The following WBP1L variants were observed in gnomAD, a reference collection of about 807,000 sequenced individuals.
WBP1L encodes the protein WW domain binding protein 1 like.
A neutral mutation model predicts 33.7 loss-of-function variants in WBP1L; 17 were observed. The ratio of observed to expected loss-of-function variants is 0.50; its 90% CI spans 0.34 to 0.76. WBP1L has a LOEUF of 0.76. Among genes scored for constraint, WBP1L ranks in the 30% least tolerant of loss-of-function variants. The pLI, the probability that WBP1L is intolerant of heterozygous loss-of-function variation, is 0.01. For missense variants in WBP1L, 389 were observed against 469.4 expected, an observed-to-expected ratio of 0.83 and a Z score of 1.58; for synonymous variants, 173 against 190.8, an observed-to-expected ratio of 0.91 and a Z score of 0.77.
In WBP1L at chr10:102,813,180, G is replaced by T. The variant is rs1350482858; in HGVS notation, c.941G>T (p.Gly314Val). Residue 314 changes from glycine to valine, a missense_variant, in exon 4 of 4, where the codon GGT becomes GTT. Transcript: ENST00000448841. ...GACAGCTGCCATGTGCGGCCCCCTG[G>T]TGATGAGGAGGAAGGCCTCTGTCAG... ...FCDSCHVRPP[G>V]DEEEGLCQSS... 1 of 1,613,956 alleles carries T rather than the reference G, an allele frequency of 6.2e-7. No homozygotes were observed. Among genetic ancestry groups the T allele is most frequent in the South Asian group, 1.1e-5 (1 of 91,084 alleles).
At chr10:102,791,380 C>T (rs1379973136) in intron 1 of WBP1L, among the ~76,000 whole-genome samples, 2 of 152,224 alleles carry the variant, frequency 1.3e-5, no homozygotes, top group Non-Finnish European at 2.9e-5. Flanking sequence ...TCTCCCCTCC[C>T]ACCCCCCGAA....
intron 1 of WBP1L, among the ~76,000 whole-genome samples, chr10:102,764,739 A>G (rs1484616480): frequency 1.3e-5 from 2 of 152,178 alleles, no homozygotes; most frequent in Non-Finnish European, 2.9e-5. Flanking sequence ...CCTGGAGTAG[A>G]TTTGGTTACC....
chr10:102,792,592 CTTTTTTTTTTTT>C (rs11368357), intron 1 of WBP1L, among the ~76,000 whole-genome samples: 1 of 103,586 alleles, frequency 9.7e-6, no homozygotes, highest in African/African-American at 3.5e-5. Context: ...TTTTTCTTTT[CTTTTTTTTTTTT>C]TTTTTTTGAG....
chr10:102,761,134 TTTTTC>T (rs1181424830), intron 1 of WBP1L, among the ~76,000 whole-genome samples: 3 of 149,930 alleles, frequency 2.0e-5, no homozygotes, highest in Admixed American at 6.6e-5. Flanking sequence ...TTTTTTTTTT[TTTTTC>T]TTTTCTTTTC....
At chr10:102,810,543 T>C (rs1590195285) in intron 3 of WBP1L, among the ~76,000 whole-genome samples, 11 of 116,160 alleles carry the variant, frequency 9.5e-5, no homozygotes, top group Non-Finnish European at 1.0e-4. Context: ...CCATCCTCCC[T>C]CCCTCTCTCT....
In WBP1L at chr10:102,743,986, AGAGGAGGAGAGG is replaced by A. The variant is rs1416694037; in HGVS notation, c.-58_-47del. 2.0e-5 allele frequency: 22 copies of A among 1,113,422 alleles called. No homozygotes were observed. Among genetic ancestry groups the A allele is most frequent in the Non-Finnish European group, 2.9e-5 (22 of 758,296 alleles). The allele number at this position is 1,113,422 out of a possible 1,614,324, so 69.0% of individuals were successfully genotyped here. ...AGAAGGGAAGAAGGAAGAAGAGGGTAGAGGAGGAGAGGGAGGAGGAGGAGGGAGGTGGCGGCG... is the reference window on the plus strand; with the variant it reads ...AGAAGGGAAGAAGGAAGAAGAGGGTAGAGGAGGAGGAGGGAGGTGGCGGCG... On this transcript the variant is annotated 5_prime_UTR_variant, in exon 1 of 4. Transcript: ENST00000448841.
At chr10:102,758,107 A>T (rs998078151) in intron 1 of WBP1L, among the ~76,000 whole-genome samples, 7 of 149,806 alleles carry the variant, frequency 4.7e-5, no homozygotes, top group African/African-American at 7.4e-5. Flanking sequence ...CTGGTCTCGA[A>T]CTCCTGACCT....
At chr10:102,805,272 T>C (rs928711244) in intron 2 of WBP1L, among the ~76,000 whole-genome samples, 6 of 152,112 alleles carry the variant, frequency 3.9e-5, no homozygotes, top group Non-Finnish European at 8.8e-5. Flanking sequence ...GAGTAATACC[T>C]GTCTCAAAAA....
intron 2 of WBP1L, among the ~76,000 whole-genome samples, chr10:102,803,304 A>C (rs566087338): frequency 5.0e-4 from 76 of 152,194 alleles, no homozygotes; most frequent in Non-Finnish European, 8.7e-4. Context: ...GCTCACTTAC[A>C]GTATGCTTGA....
At chr10:102,745,209 T>G (rs1025881225) in intron 1 of WBP1L, among the ~76,000 whole-genome samples, 23 of 152,352 alleles carry the variant, frequency 1.5e-4, no homozygotes, top group Admixed American at 1.4e-3. Flanking sequence ...CCAGCAAAAA[T>G]ACTTATCTTT....
At chr10:102,748,204 C>T (rs1372586091) in intron 1 of WBP1L, among the ~76,000 whole-genome samples, 1 of 151,436 alleles carries the variant, frequency 6.6e-6, no homozygotes, top group East Asian at 1.9e-4. Flanking sequence ...TGCAGTGAGC[C>T]GAGGTCGCGC....
At chr10:102,777,447 C>G (rs1843280128) in intron 1 of WBP1L, among the ~76,000 whole-genome samples, 1 of 152,100 alleles carries the variant, frequency 6.6e-6, no homozygotes, top group African/African-American at 2.4e-5. Context: ...CTCTGAAAAG[C>G]CCCAAACATT....
At chr10:102,788,653 G>A (rs1843455181) in intron 1 of WBP1L, among the ~76,000 whole-genome samples, 1 of 152,130 alleles carries the variant, frequency 6.6e-6, no homozygotes, top group South Asian at 2.1e-4. Context: ...TTTAGCTACA[G>A]AGCATTACCA....
rs1590162769 is a variant in WBP1L at position 102,746,863 on chromosome 10, T to A, written c.90+2720T>A. Among the ~76,000 whole-genome samples, 6 of 152,314 alleles carry A rather than the reference T, an allele frequency of 3.9e-5. No homozygotes were observed. In the South Asian group the frequency reaches 6.2e-4, roughly 16 times the overall value. On this transcript the variant is annotated intron_variant, in intron 1 of 3. Coordinates refer to ENST00000448841, the MANE Select transcript of WBP1L (RefSeq NM_001083913.2). ...TTTTTTACATGCACAATCTTTTTTT[T>A]ACATACACATTTACCATCAGAAATA...
chr10:102,785,143 G>A (rs561122813), intron 1 of WBP1L, among the ~76,000 whole-genome samples: 2 of 151,426 alleles, frequency 1.3e-5, no homozygotes, highest in Admixed American at 1.3e-4. Flanking sequence ...CAAAGTGCTG[G>A]GATTACAGGC....
chr10:102,780,704 C>T (rs2253983), intron 1 of WBP1L, among the ~76,000 whole-genome samples: 81,214 of 152,022 alleles, frequency 0.53, 22,792 homozygotes, highest in Non-Finnish European at 0.62. Flanking sequence ...GCAAATGACA[C>T]TAGAAAAGAA....
intron 2 of WBP1L, among the ~76,000 whole-genome samples, chr10:102,805,400 T>G (rs1009489922): frequency 2.0e-5 from 3 of 152,056 alleles, no homozygotes; most frequent in African/African-American, 7.2e-5. Flanking sequence ...AAAAAATGAC[T>G]GGTGGCCAGG....
intron 3 of WBP1L, 65 bp downstream of exon 3, chr10:102,810,119 C>A: frequency 6.5e-7 from 1 of 1,541,360 alleles, no homozygotes; most frequent in Non-Finnish European, 8.7e-7. Flanking sequence ...AGGGCTCACA[C>A]TGAATATTGG....
At chr10:102,754,817 G>T (rs1046383876) in intron 1 of WBP1L, among the ~76,000 whole-genome samples, 4 of 152,224 alleles carry the variant, frequency 2.6e-5, no homozygotes, top group African/African-American at 9.6e-5. Context: ...CGATTCTCCT[G>T]CCTCTGCCTC....
Sources: gnomAD v4.1 joint callset for allele counts (sites outside exome capture counted in the v4.1 genomes callset) on GRCh38, gnomAD v4.1.1 for gene constraint, MANE v1.5 for transcripts, NCBI Gene and HGNC (gene_info 2026-07-23, HGNC 2026-07-21) for gene names.